Variants in RBPJ observed in about 807,000 individuals in gnomAD.
RBPJ encodes the protein recombination signal binding protein for immunoglobulin kappa J region, also known as recombining binding protein suppressor of hairless.
A neutral mutation model predicts 67.8 loss-of-function variants in RBPJ; 9 were observed. The observed-to-expected ratio is 0.13, with a 90% confidence interval of 0.08 to 0.23. The LOEUF (loss-of-function observed/expected upper bound fraction) is 0.23, where lower values mean the gene tolerates loss of function less well. Among genes scored for constraint, RBPJ ranks in the 10% least tolerant of loss-of-function variants. RBPJ has a pLI of 1.00. For synonymous variants in RBPJ, 198 were observed against 203.3 expected (o/e 0.97, Z 0.22); for missense variants, 305 against 595.6 (o/e 0.51, Z 5.08).
chr4:26,227,673 T>C (rs1002660440), intron 1 of RBPJ, among the ~76,000 whole-genome samples: 4 of 152,212 alleles, frequency 2.6e-5, no homozygotes, highest in Non-Finnish European at 2.9e-5. Context: ...CCAGGGTACA[T>C]GACCATATAT....
chr4:26,254,031 T>C (rs1161277305), intron 1 of RBPJ, among the ~76,000 whole-genome samples: 2 of 148,900 alleles, frequency 1.3e-5, no homozygotes, highest in Non-Finnish European at 2.9e-5. Flanking sequence ...ATAAGAACAT[T>C]GAGTAACAAG....
At chr4:26,150,454 A>G in the RBPJ span, among the ~76,000 whole-genome samples, 7 of 152,182 alleles carry the variant, frequency 4.6e-5, no homozygotes, top group African/African-American at 1.7e-4. Context: ...CTGCATATCT[A>G]CTTAACAAAC....
At chr4:26,368,556 C>T (rs187791484) in intron 1 of RBPJ, among the ~76,000 whole-genome samples, 57 of 152,210 alleles carry the variant, frequency 3.7e-4, no homozygotes, top group African/African-American at 1.4e-3. Context: ...ATGATAGCAG[C>T]GTGTATTCTT....
At chr4:26,137,126 C>A in the RBPJ span, among the ~76,000 whole-genome samples, 2 of 152,102 alleles carry the variant, frequency 1.3e-5, no homozygotes, top group African/African-American at 4.8e-5. Context: ...GTGGGAGAGG[C>A]GGATGGTGGT....
At position 26,291,148 on chromosome 4, in the gene RBPJ, G is replaced by A. The variant is rs141509374; in HGVS notation, c.-166-71298G>A. Among the ~76,000 whole-genome samples the A allele has an allele frequency of 2.5e-4, 37 of 150,922 alleles. 2 individuals are homozygous for A. The highest frequency in any genetic ancestry group is 8.5e-4 in the African/African-American group (35 of 41,116). On this transcript the variant is annotated intron_variant, in intron 1 of 4. Transcript: ENST00000512351. ...AGAGAAAATGAGTGTTAATCTTTGT[G>A]GAACAATCCAGAGTCCAGAGAAAGA...
intron 1 of RBPJ, among the ~76,000 whole-genome samples, chr4:26,364,849 A>G (rs1425792035): frequency 6.7e-6 from 1 of 150,086 alleles, no homozygotes; most frequent in Non-Finnish European, 1.5e-5. Flanking sequence ...CTGGTCTCGA[A>G]CTCCTGATCT....
At chr4:26,137,979 G>A in the RBPJ span, among the ~76,000 whole-genome samples, 1 of 152,200 alleles carries the variant, frequency 6.6e-6, no homozygotes, top group African/African-American at 2.4e-5. Flanking sequence ...AACCAATGAG[G>A]GAGTGTGATT....
At chr4:26,370,831 A>G (rs1188596959) in intron 1 of RBPJ, among the ~76,000 whole-genome samples, 1 of 152,174 alleles carries the variant, frequency 6.6e-6, no homozygotes, top group East Asian at 1.9e-4. Context: ...CTGTAATCCC[A>G]GCACTTTGGG....
intron 7 of RBPJ, among the ~76,000 whole-genome samples, chr4:26,425,459 C>A (rs376556231): frequency 4.2e-4 from 63 of 151,138 alleles, no homozygotes; most frequent in Non-Finnish European, 4.4e-4. Context: ...CCCCGCCCCC[C>A]CAAAAAAAAA....
At chr4:26,351,478 T>C (rs1385489099) in intron 1 of RBPJ, among the ~76,000 whole-genome samples, 1 of 152,200 alleles carries the variant, frequency 6.6e-6, no homozygotes, top group Non-Finnish European at 1.5e-5. Flanking sequence ...CCTTGCAGGC[T>C]CAGGCAATCC....
chr4:26,334,682 C>T (rs980950570), intron 1 of RBPJ, among the ~76,000 whole-genome samples: 1 of 152,112 alleles, frequency 6.6e-6, no homozygotes, highest in Non-Finnish European at 1.5e-5. Context: ...CATATTAAAA[C>T]CTGATTTTCA....
upstream of RBPJ, among the ~76,000 whole-genome samples, chr4:26,159,447 C>T (rs1485349891): frequency 6.6e-6 from 1 of 152,184 alleles, no homozygotes; most frequent in Non-Finnish European, 1.5e-5. Flanking sequence ...GATAACTCCA[C>T]AGCCTTCTCC....
chr4:26,121,873 C>CTTTTTTTTTTTTTT, the RBPJ span, among the ~76,000 whole-genome samples: 8 of 94,102 alleles, frequency 8.5e-5, no homozygotes, highest in East Asian at 8.2e-4. Flanking sequence ...GAGTATCTCT[C>CTTTTTTTTTTTTTT]TTTTTTTTTT....
chr4:26,291,859 A>G (rs1343607337), intron 1 of RBPJ, among the ~76,000 whole-genome samples: 1 of 150,988 alleles, frequency 6.6e-6, no homozygotes, highest in Non-Finnish European at 1.5e-5. Context: ...TATAGGTGTG[A>G]GTCACTGCGT....
rs1717263408 is a variant in RBPJ, at chr4:26,186,444, GAA to G, written c.-167+22833_-167+22834del. Among the ~76,000 whole-genome samples the G allele has an allele frequency of 3.3e-5, 5 of 152,308 alleles. No homozygotes were observed. In the South Asian group the frequency reaches 1.0e-3, roughly 32 times the overall value. On this transcript the variant is annotated intron_variant, in intron 1 of 4. Coordinates refer to the RBPJ transcript ENST00000512351. ...TGGGTATTTGGTAGATACACTTTGA[GAA>G]AAGAGTCATGTTTAATAGAATTGAG...
intron 1 of RBPJ, among the ~76,000 whole-genome samples, chr4:26,350,165 T>C (rs928025626): frequency 2.6e-5 from 4 of 152,174 alleles, no homozygotes. Flanking sequence ...TCTTACAAAT[T>C]TTCATATTTC....
chr4:26,128,620 A>G, the RBPJ span, among the ~76,000 whole-genome samples: 1 of 152,186 alleles, frequency 6.6e-6, no homozygotes. Context: ...ATACAGTATG[A>G]TATACAATAT....
chr4:26,242,567 G>A (rs77109145), intron 1 of RBPJ, among the ~76,000 whole-genome samples: 2,650 of 152,112 alleles, frequency 0.017, 69 homozygotes, highest in African/African-American at 0.06. Context: ...CCAAGATGCT[G>A]TTTGGCCTTT....
At chr4:26,181,847 G>A (rs910606855) in intron 1 of RBPJ, among the ~76,000 whole-genome samples, 2 of 152,234 alleles carry the variant, frequency 1.3e-5, no homozygotes, top group Non-Finnish European at 2.9e-5. Flanking sequence ...TCACAGGACT[G>A]GAAGTTGCTC....
Sources: allele counts gnomAD v4.1 joint callset (sites outside exome capture counted in the v4.1 genomes callset), GRCh38; gene constraint gnomAD v4.1.1; transcripts MANE v1.5; gene names NCBI Gene and HGNC (gene_info 2026-07-23, HGNC 2026-07-21).